CNTNAP1: variants seen among roughly 807,000 people sequenced by gnomAD.
CNTNAP1 encodes contactin associated protein 1, also known as contactin-associated protein 1.
In CNTNAP1, 80 loss-of-function variants were observed where a neutral mutation model predicts 161.5. The ratio of observed to expected loss-of-function variants is 0.50; its 90% CI spans 0.41 to 0.60. CNTNAP1 has a LOEUF of 0.60. Ranked by LOEUF, CNTNAP1 falls within the 20% of genes least tolerant of loss-of-function variation. The probability of loss-of-function intolerance (pLI) is 0.00; values close to 1 mark genes in which losing one functional copy is unlikely to be tolerated. For missense variants in CNTNAP1, 1,464 were observed against 1,854.8 expected (o/e 0.79, Z 3.87); for synonymous variants, 695 against 733.1 (o/e 0.95, Z 0.84).
Position 42,692,567 on chromosome 17 carries a change from GA to G in CNTNAP1, c.2600del (p.Asp867AlafsTer18). On this transcript the variant is annotated frameshift_variant, in exon 17 of 24. Coordinates refer to ENST00000264638, the MANE Select transcript of CNTNAP1 (RefSeq NM_003632.3). LOFTEE classifies it high-confidence loss of function. ...TGAGAACCTCACAGTACACTCAGAC[GA>G]CTTTGAGTTCAATGATGACGAGTGG... ...GDENLTVHSD[D>X]FEFNDDEWHL... 3.1e-6 allele frequency: 5 copies of G among 1,614,192 alleles called. No homozygotes were observed. Among genetic ancestry groups the G allele is most frequent in the Non-Finnish European group, 4.2e-6 (5 of 1,180,042 alleles).
At position 42,685,259 on chromosome 17, in the gene CNTNAP1, A is replaced by T; in HGVS notation, c.554A>T (p.Tyr185Phe). The T allele has an allele frequency of 6.2e-7, 1 of 1,613,722 alleles. No homozygotes were observed. Among genetic ancestry groups the T allele is most frequent in the Non-Finnish European group, 8.5e-7 (1 of 1,180,016 alleles). The change falls in exon 5 of 24, where the codon TAC (tyrosine) becomes TTC (phenylalanine). Residue 185 changes from tyrosine (Y) to phenylalanine (F), a missense_variant. Tyr to Phe is a conservative substitution (Grantham distance 22, BLOSUM62 3). Transcript: ENST00000264638. This position sits in a 1 kb window ranked among gnomAD's most constrained non-coding sequence, Gnocchi z 5.0. ...LYFDGDDAIS[Y>F]RFPRGVSRSL... The stretch of plus-strand genomic sequence containing the variant: ...TTCGACGGCGACGATGCCATCTCCT[A>T]CCGCTTCCCGCGAGGGGTCAGCCGA...
In CNTNAP1 at chr17:42,691,131, C is replaced by T. The variant is rs1035891067; in HGVS notation, c.2060-6C>T. 4 of 1,613,392 alleles carry T rather than the reference C, an allele frequency of 2.5e-6. No homozygotes were observed. The highest frequency in any genetic ancestry group is 2.7e-5 in the African/African-American group (2 of 75,038). On this transcript the variant is annotated splice_region_variant and splice_polypyrimidine_tract_variant and intron_variant, in intron 13 of 23. Coordinates refer to ENST00000264638, the MANE Select transcript of CNTNAP1 (RefSeq NM_003632.3). The surrounding 1 kb of genome is among the most constrained non-coding windows in gnomAD (Gnocchi z 4.3). ...GGCCTGGAAGCTGCCTGCACCTCTT[C>T]CCCAGGAGGCTACCCCTACAGCTTT...
rs1489515136 is a variant in CNTNAP1, at chr17:42,682,779, C to G, written c.-51C>G. On this transcript the variant is annotated 5_prime_UTR_variant, in exon 1 of 24. Transcript: ENST00000264638. ...TTGGAGCCCAAGCCAGAACTCGAGC[C>G]CTAGCCGGAGCCGTTCACAGGGAGG... 3.9e-6 allele frequency: 6 copies of G among 1,537,770 alleles called. No homozygotes were observed. Among genetic ancestry groups the G allele is most frequent in the Non-Finnish European group, 5.3e-6 (6 of 1,141,876 alleles).
At chr17:42,693,267 A>G (rs759743567) in intron 17 of CNTNAP1, 30 bp from the exon 18 acceptor site, 3 of 1,610,426 alleles carry the variant, frequency 1.9e-6, no homozygotes, top group South Asian at 1.1e-5. Flanking sequence ...CCCTGCCTCC[A>G]TTTCTTGACC....
Position 42,682,536 on chromosome 17 carries a change from C to A in CNTNAP1, c.-294C>A, listed in dbSNP as rs1597801825. The A allele has an allele frequency of 4.0e-6, 2 of 495,426 alleles. No individual in the cohort carries two copies. Among genetic ancestry groups the A allele is most frequent in the South Asian group, 2.3e-5 (1 of 44,386 alleles). 30.7% of individuals were successfully genotyped at this position (495,426 alleles called of 1,614,324 possible). ...CGCGCTTGCGCGGGGTCCGGGAAAC[C>A]GGCGCGTGCCAGGAGACAGAGGCTG... On this transcript the variant is annotated 5_prime_UTR_variant, in exon 1 of 24. Coordinates refer to ENST00000264638, the MANE Select transcript of CNTNAP1 (RefSeq NM_003632.3).
In CNTNAP1 at chr17:42,699,145, G is replaced by C; in HGVS notation, c.*235G>C. 2.3e-6 allele frequency: 1 copy of C among 440,876 alleles called. No individual in the cohort carries two copies. The highest frequency in any genetic ancestry group is 4.0e-5 in the Admixed American group (1 of 25,184). 27.3% of individuals were successfully genotyped at this position (440,876 alleles called of 1,614,324 possible). A position where few individuals can be genotyped will look rare whatever the true frequency, so the allele number is the denominator to read the frequency against. On this transcript the variant is annotated 3_prime_UTR_variant, in exon 24 of 24. Coordinates refer to ENST00000264638, the MANE Select transcript of CNTNAP1 (RefSeq NM_003632.3). ...CTCATCCCTGTTTCCCCAGGCTCCT[G>C]GCTGTTTATCTGCCCCAAAGGAGAA...
chr17:42,685,275 G>C lies in CNTNAP1; in HGVS notation c.570G>C (p.Gly190=). 6.2e-7 allele frequency: 1 copy of C among 1,613,740 alleles called. No individual in the cohort carries two copies. Among genetic ancestry groups the C allele is most frequent in the East Asian group, 2.2e-5 (1 of 44,890 alleles). ...CCATCTCCTACCGCTTCCCGCGAGG[G>C]GTCAGCCGAAGCCTGTGGGACGTGT... is the stretch of plus-strand genomic sequence containing the variant. ...DDAISYRFPR[G]VSRSLWDVFA... The change falls in exon 5 of 24, where the codon GGG becomes GGC. Residue 190 remains glycine (G), a synonymous_variant. Transcript: ENST00000264638. The surrounding 1 kb of genome is among the most constrained non-coding windows in gnomAD (Gnocchi z 5.0).
Position 42,687,394 on chromosome 17 carries a change from T to C in CNTNAP1, c.1045-326T>C, listed in dbSNP as rs1410873421. The C allele has an allele frequency of 2.0e-6, 1 of 510,334 alleles. No individual in the cohort carries two copies. Among genetic ancestry groups the C allele is most frequent in the African/African-American group, 1.9e-5 (1 of 52,248 alleles). The allele number at this position is 510,334 out of a possible 1,614,324, so 31.6% of individuals were successfully genotyped here. A position where few individuals can be genotyped will look rare whatever the true frequency, so the allele number is the denominator to read the frequency against. On this transcript the variant is annotated intron_variant, in intron 7 of 23. Transcript: ENST00000264638. This position sits in a 1 kb window ranked among gnomAD's most constrained non-coding sequence, Gnocchi z 4.7. ...TATGCCCCCCTCAACCCTCTCCGAC[T>C]CTGGAGCTCTGTTGGGAAGCTGGCA...
chr17:42,690,276 C>T lies in CNTNAP1; in HGVS notation c.1855+69C>T, dbSNP rs1043951288. On this transcript the variant is annotated intron_variant, in intron 12 of 23. Transcript: ENST00000264638. ...GGAAGGATAGAGTGGTGGGTGGGGG[C>T]CAGTTAGACTAAACAAGTGAGGGTA... 7 of 1,564,252 alleles carry T rather than the reference C, an allele frequency of 4.5e-6. No individual in the cohort carries two copies. The African/African-American group carries it at 9.5e-5, about 21-fold the overall frequency.
In CNTNAP1 at chr17:42,695,651, G is replaced by A. The variant is rs762663985; in HGVS notation, c.3123G>A (p.Pro1041=). Residue 1041 remains proline (P), a synonymous_variant, in exon 19 of 24, where the codon CCG becomes CCA. Coordinates refer to ENST00000264638, the MANE Select transcript of CNTNAP1 (RefSeq NM_003632.3). ...PVPGYEPGYI[P]GYDTPGYVPG... is the part of the protein sequence containing the mutation. ...CAGGCTATGAGCCTGGCTACATCCC[G>A]GGCTATGATACTCCGGGCTATGTGC... is the stretch of plus-strand genomic sequence containing the variant. 15 of 1,614,162 alleles carry A rather than the reference G, an allele frequency of 9.3e-6. No individual in the cohort carries two copies. The highest frequency in any genetic ancestry group is 6.7e-5 in the East Asian group (3 of 44,878).
rs750249811 is a variant in CNTNAP1, at chr17:42,685,186, G to T, written c.512-31G>T. ...GGGGGCCTGGGAGACAGCCTCCCCAGTTCCCGGCCCACCTACGGTCCTTTG... is the reference window on the plus strand; with the variant it reads ...GGGGGCCTGGGAGACAGCCTCCCCATTTCCCGGCCCACCTACGGTCCTTTG... On this transcript the variant is annotated intron_variant, in intron 4 of 23. Coordinates refer to ENST00000264638, the MANE Select transcript of CNTNAP1 (RefSeq NM_003632.3). The surrounding 1 kb of genome is among the most constrained non-coding windows in gnomAD (Gnocchi z 5.0). The T allele has an allele frequency of 1.2e-6, 2 of 1,611,864 alleles. No homozygotes were observed. Among genetic ancestry groups the T allele is most frequent in the Non-Finnish European group, 1.7e-6 (2 of 1,178,920 alleles).
At position 42,687,607 on chromosome 17, in the gene CNTNAP1, G is replaced by A; in HGVS notation, c.1045-113G>A. 1 of 1,386,830 alleles carries A rather than the reference G, an allele frequency of 7.2e-7. No homozygotes were observed. The highest frequency in any genetic ancestry group is 1.4e-5 in the African/African-American group (1 of 69,428). The allele number at this position is 1,386,830 out of a possible 1,614,324, so 85.9% of individuals were successfully genotyped here. ...CGTCATGGTTGGAGATCTCACCCCC[G>A]CCAACACCGAAGGAGGGCGGTGACC... On this transcript the variant is annotated intron_variant, in intron 7 of 23. Transcript: ENST00000264638. This position sits in a 1 kb window ranked among gnomAD's most constrained non-coding sequence, Gnocchi z 4.7.
rs1186252746 is a variant in CNTNAP1 at position 42,689,066 on chromosome 17, C to A, written c.1628+19C>A. ...CTGATAGGTACCCAGAAGCCCCTAA[C>A]AAGAGATGACCCCTCCAAAGCCCTC... On this transcript the variant is annotated intron_variant, in intron 10 of 23. Coordinates refer to ENST00000264638, the MANE Select transcript of CNTNAP1 (RefSeq NM_003632.3). 5 of 1,544,378 alleles carry A rather than the reference C, an allele frequency of 3.2e-6. No homozygotes were observed. The highest frequency in any genetic ancestry group is 2.7e-5 in the African/African-American group (2 of 72,790).
chr17:42,683,382 G>A lies in CNTNAP1; in HGVS notation c.68-439G>A, dbSNP rs3760383. 145 of 1,086,834 alleles carry A rather than the reference G, an allele frequency of 1.3e-4. 1 individual carries two copies. The East Asian group carries it at 0.011, about 79-fold the overall frequency. 67.3% of individuals were successfully genotyped at this position (1,086,834 alleles called of 1,614,324 possible). ...AAGGCTGGACATGGAGCTGGTGATG[G>A]TGCTAGCACTGGCTGAGGTTGGGTG... On this transcript the variant is annotated intron_variant, in intron 1 of 23. Transcript: ENST00000264638.
intron 10 of CNTNAP1, 78 bp downstream of exon 10, chr17:42,689,125 A>G: frequency 7.2e-7 from 1 of 1,391,792 alleles, no homozygotes; most frequent in Non-Finnish European, 9.7e-7. Context: ...GGCCTCTTTC[A>G]ATAATCTCCC....
chr17:42,695,696 G>A lies in CNTNAP1; in HGVS notation c.3168G>A (p.Gly1056=), dbSNP rs1191209388. The change falls in exon 19 of 24, where the codon GGG becomes GGA. Residue 1056 remains glycine (G), a synonymous_variant. Coordinates refer to ENST00000264638, the MANE Select transcript of CNTNAP1 (RefSeq NM_003632.3). ...PGYVPGYHGP[G]YRLPDYPRPG... ...ATGTGCCTGGCTACCATGGCCCCGGGTACCGCCTGCCCGACTACCCCCGGC... is the reference window on the plus strand; with the variant it reads ...ATGTGCCTGGCTACCATGGCCCCGGATACCGCCTGCCCGACTACCCCCGGC... 1 of 1,614,170 alleles carries A rather than the reference G, an allele frequency of 6.2e-7. No individual in the cohort carries two copies. Among genetic ancestry groups the A allele is most frequent in the South Asian group, 1.1e-5 (1 of 91,088 alleles).
At chr17:42,683,446 C>G in intron 1 of CNTNAP1, 1 of 1,095,722 alleles carries the variant, frequency 9.1e-7, no homozygotes, top group Non-Finnish European at 1.1e-6. Context: ...TTTTGGGGGC[C>G]GAGTTGGATT....
chr17:42,699,253 T>G lies in CNTNAP1; in HGVS notation c.*343T>G. ...ATTAACAACAGAGTGTAGGGGAGAT[T>G]AACTGCCTCCCTTCCAATAGACACT... On this transcript the variant is annotated 3_prime_UTR_variant, in exon 24 of 24. Coordinates refer to ENST00000264638, the MANE Select transcript of CNTNAP1 (RefSeq NM_003632.3). The G allele has an allele frequency of 4.6e-6, 1 of 219,538 alleles. No individual in the cohort carries two copies. Among genetic ancestry groups the G allele is most frequent in the East Asian group, 9.7e-5 (1 of 10,260 alleles). The allele number at this position is 219,538 out of a possible 1,614,324, so 13.6% of individuals were successfully genotyped here. A position where few individuals can be genotyped will look rare whatever the true frequency, so the allele number is the denominator to read the frequency against.
At position 42,699,275 on chromosome 17, in the gene CNTNAP1, C is replaced by T. The variant is rs1418135913; in HGVS notation, c.*365C>T. On this transcript the variant is annotated 3_prime_UTR_variant, in exon 24 of 24. Coordinates refer to ENST00000264638, the MANE Select transcript of CNTNAP1 (RefSeq NM_003632.3). ...GATTAACTGCCTCCCTTCCAATAGA[C>T]ACTATCAGCAGGGACAGATGTGTGG... 1.6e-5 allele frequency: 3 copies of T among 188,412 alleles called. No individual in the cohort carries two copies. The highest frequency in any genetic ancestry group is 2.3e-5 in the African/African-American group (1 of 42,816). 11.7% of individuals were successfully genotyped at this position (188,412 alleles called of 1,614,324 possible).
Sources: allele counts gnomAD v4.1 joint callset, GRCh38; gene constraint gnomAD v4.1.1; non-coding constraint Gnocchi (gnomAD v3.1); transcripts MANE v1.5; gene names NCBI Gene and HGNC (gene_info 2026-07-23, HGNC 2026-07-21).